EFR3B: variants seen among roughly 807,000 people sequenced by gnomAD.
The protein encoded by EFR3B is protein EFR3 homolog B.
A neutral mutation model predicts 104.7 loss-of-function variants in EFR3B; 64 were observed. The observed-to-expected ratio is 0.61, with a 90% CI of 0.50 to 0.75. The LOEUF is 0.75. EFR3B is among the 30% of genes least tolerant of loss of function. The probability of loss-of-function intolerance (pLI) is 0.00; values close to 1 mark genes in which losing one functional copy is unlikely to be tolerated. For synonymous variants in EFR3B, 385 were observed against 417.9 expected, an observed-to-expected ratio of 0.92 and a Z score of 0.96; for missense variants, 750 against 1,078.5, an observed-to-expected ratio of 0.70 and a Z score of 4.27.
At chr2:25,075,106 G>A (rs1377413291) in intron 1 of EFR3B, among the ~76,000 whole-genome samples, 4 of 152,092 alleles carry the variant, frequency 2.6e-5, no homozygotes, top group East Asian at 1.9e-4. Context: ...TTCAGATTTC[G>A]TCAGTTACAC....
At position 25,093,043 on chromosome 2, in the gene EFR3B, A is replaced by G. The variant is rs370067502; in HGVS notation, c.125A>G (p.Tyr42Cys). ...VKTNMEKLTF[Y>C]ALSAPEKLDR... ...ACCAACATGGAGAAGCTGACCTTCT[A>G]TGCCCTCTCAGCTCCAGAAAAACTT... The change falls in exon 3 of 23, where the codon TAT becomes TGT. Residue 42 changes from tyrosine to cysteine, a missense_variant. Transcript: ENST00000403714. The G allele has an allele frequency of 1.9e-5, 29 of 1,549,830 alleles. No homozygotes were observed. The highest frequency in any genetic ancestry group is 1.2e-5 in the South Asian group (1 of 84,054).
chr2:25,055,577 G>A (rs531790044), intron 1 of EFR3B, among the ~76,000 whole-genome samples: 6 of 152,288 alleles, frequency 3.9e-5, no homozygotes, highest in East Asian at 3.9e-4. Context: ...CACCCTTGTC[G>A]TAGCTATTCA....
intron 12 of EFR3B, among the ~76,000 whole-genome samples, chr2:25,133,713 T>C (rs1670445381): frequency 6.6e-6 from 1 of 152,196 alleles, no homozygotes; most frequent in Non-Finnish European, 1.5e-5. Context: ...ACGTGATCTG[T>C]CTTGAGACGG....
Position 25,157,304 on chromosome 2 carries a change from A to C in EFR3B, c.*2964A>C, listed in dbSNP as rs1183542912. On this transcript the variant is annotated 3_prime_UTR_variant, in exon 23 of 23. Transcript: ENST00000403714. ...ATGGAGTAGAACCTGGATTCTGGCCAAATAGGCCAGAATCGGAAAGGTGAA... is the reference window on the plus strand; with the variant it reads ...ATGGAGTAGAACCTGGATTCTGGCCCAATAGGCCAGAATCGGAAAGGTGAA... 1 of 152,168 alleles carries C rather than the reference A, an allele frequency of 6.6e-6. No individual in the cohort carries two copies. The highest frequency in any genetic ancestry group is 1.5e-5 in the Non-Finnish European group (1 of 68,056). 9.4% of individuals were successfully genotyped at this position (152,168 alleles called of 1,614,324 possible). A position where few individuals can be genotyped will look rare whatever the true frequency, so the allele number is the denominator to read the frequency against.
chr2:25,141,341 T>A, intron 16 of EFR3B, 25 bp from the exon 17 acceptor site: 2 of 1,550,466 alleles, frequency 1.3e-6, no homozygotes, highest in Non-Finnish European at 1.7e-6. Flanking sequence ...GAACCAGCTC[T>A]TATCTGATTC....
chr2:25,141,289 C>A (rs1017063156), intron 16 of EFR3B, 77 bp from the exon 17 acceptor site: 9 of 1,462,020 alleles, frequency 6.2e-6, no homozygotes, highest in Non-Finnish European at 8.3e-6. Flanking sequence ...CCGAGCCGGG[C>A]ATGGGAGCTC....
intron 1 of EFR3B, among the ~76,000 whole-genome samples, chr2:25,088,772 G>C (rs974599364): frequency 2.0e-5 from 3 of 152,140 alleles, no homozygotes; most frequent in Non-Finnish European, 4.4e-5. Flanking sequence ...GCCAGGATTT[G>C]ACCTGAGAGC....
chr2:25,142,376 G>GA (rs1670692692), intron 17 of EFR3B, among the ~76,000 whole-genome samples: 1 of 150,926 alleles, frequency 6.6e-6, no homozygotes, highest in South Asian at 2.1e-4. Context: ...TTGAATCCAG[G>GA]AGGCAAAGGT....
At chr2:25,078,790 C>T (rs753674357) in intron 1 of EFR3B, among the ~76,000 whole-genome samples, 1 of 152,098 alleles carries the variant, frequency 6.6e-6, no homozygotes, top group Non-Finnish European at 1.5e-5. Flanking sequence ...TGCCTGTGGT[C>T]GGAGAGTGTT....
At chr2:25,132,439 A>G (rs2149206065) in intron 10 of EFR3B, among the ~76,000 whole-genome samples, 1 of 152,284 alleles carries the variant, frequency 6.6e-6, no homozygotes, top group South Asian at 2.1e-4. Context: ...AGCCTCTTTC[A>G]CAGCCTGCCT....
chr2:25,059,768 G>T (rs188334659), intron 1 of EFR3B, among the ~76,000 whole-genome samples: 6 of 151,764 alleles, frequency 4.0e-5, no homozygotes, highest in Admixed American at 2.6e-4. Flanking sequence ...CCAGCTACTC[G>T]GGAGGCCGAG....
intron 1 of EFR3B, among the ~76,000 whole-genome samples, chr2:25,081,953 G>A (rs2149179972): frequency 6.6e-6 from 1 of 152,310 alleles, no homozygotes; most frequent in East Asian, 1.9e-4. Context: ...ATCGCCCTGA[G>A]TAGAGGGCAG....
chr2:25,082,984 C>A (rs1668851442), intron 1 of EFR3B, among the ~76,000 whole-genome samples: 1 of 152,094 alleles, frequency 6.6e-6, no homozygotes, highest in Admixed American at 6.6e-5. Context: ...GGGTTTGGGG[C>A]AAAATGAGCC....
intron 18 of EFR3B, 61 bp from the exon 19 acceptor site, chr2:25,144,899 C>T: frequency 3.5e-6 from 5 of 1,437,050 alleles, no homozygotes; most frequent in Non-Finnish European, 4.8e-6. Flanking sequence ...GTGGGACTAG[C>T]AGCTCAGTCC....
In EFR3B at chr2:25,159,020, G is replaced by T. The variant is rs943670539; in HGVS notation, c.*4680G>T. ...TTTAGGGAAGTGGGAAAGGCGGAGT[G>T]GGGGGAAGTATAGGAAGAAGGATTC... On this transcript the variant is annotated 3_prime_UTR_variant, in exon 23 of 23. Coordinates refer to ENST00000403714, the MANE Select transcript of EFR3B (RefSeq NM_014971.2). 7 of 152,292 alleles carry T rather than the reference G, an allele frequency of 4.6e-5. No individual in the cohort carries two copies. The East Asian group carries it at 9.6e-4, about 21-fold the overall frequency. 9.4% of individuals were successfully genotyped at this position (152,292 alleles called of 1,614,324 possible).
chr2:25,079,227 G>A (rs1052905951), intron 1 of EFR3B, among the ~76,000 whole-genome samples: 8 of 152,220 alleles, frequency 5.3e-5, no homozygotes, highest in Admixed American at 4.6e-4. Flanking sequence ...GCTACATAAA[G>A]AATGAATTGA....
At chr2:25,153,392 A>G (rs576688956) in intron 21 of EFR3B, among the ~76,000 whole-genome samples, 1 of 152,056 alleles carries the variant, frequency 6.6e-6, no homozygotes, top group Non-Finnish European at 1.5e-5. Flanking sequence ...GCACTAGTGC[A>G]GTCTCCCGAC....
Position 25,131,860 on chromosome 2 carries a change from A to G in EFR3B, c.1096A>G (p.Ile366Val). The stretch of plus-strand genomic sequence containing the variant: ...GGCGGTCAGCCTCGGCACCAAGATC[A>G]TCAAGGAGCACGAGGAGCGCATGTT... ...DGAVSLGTKIIKEHEERMFQE... is the reference protein window; with the variant it reads ...DGAVSLGTKIVKEHEERMFQE... Residue 366 changes from isoleucine (I) to valine (V), a missense_variant, in exon 10 of 23, where the codon ATC becomes GTC. Coordinates refer to ENST00000403714, the MANE Select transcript of EFR3B (RefSeq NM_014971.2). This position sits in a 1 kb window ranked among gnomAD's most constrained non-coding sequence, Gnocchi z 7.6. The G allele has an allele frequency of 1.3e-6, 2 of 1,548,618 alleles. No individual in the cohort carries two copies. Among genetic ancestry groups the G allele is most frequent in the South Asian group, 1.2e-5 (1 of 83,734 alleles).
At position 25,136,463 on chromosome 2, in the gene EFR3B, C is replaced by G; in HGVS notation, c.1485-60C>G. On this transcript the variant is annotated intron_variant, in intron 13 of 22. Transcript: ENST00000403714. The surrounding 1 kb of genome is among the most constrained non-coding windows in gnomAD (Gnocchi z 4.0). Reference sequence around the variant, plus strand: ...TGTTGGGGATAAAGCTCAGTGACCCCGTGTGAGCTCAGGCTGGCCTCATGC... The same window carrying G: ...TGTTGGGGATAAAGCTCAGTGACCCGGTGTGAGCTCAGGCTGGCCTCATGC... 7.3e-7 allele frequency: 1 copy of G among 1,377,018 alleles called. No individual in the cohort carries two copies. The highest frequency in any genetic ancestry group is 1.0e-6 in the Non-Finnish European group (1 of 991,374). The allele number at this position is 1,377,018 out of a possible 1,614,324, so 85.3% of individuals were successfully genotyped here.
Sources: allele counts gnomAD v4.1 joint callset (sites outside exome capture counted in the v4.1 genomes callset), GRCh38; gene constraint gnomAD v4.1.1; non-coding constraint Gnocchi (gnomAD v3.1); transcripts MANE v1.5; gene names NCBI Gene and HGNC (gene_info 2026-07-23, HGNC 2026-07-21).